Variants in PANX2 observed in about 807,000 individuals in gnomAD.
PANX2 encodes the protein pannexin 2, also known as pannexin-2.
In PANX2, 30 loss-of-function variants were observed where a neutral mutation model predicts 38.7. The observed-to-expected ratio is 0.78, with a 90% CI of 0.58 to 1.05. The LOEUF (loss-of-function observed/expected upper bound fraction) is 1.05, where lower values mean the gene tolerates loss of function less well. Among genes scored for constraint, PANX2 ranks in the 50% least tolerant of loss-of-function variants. PANX2 has a pLI of 0.00. For missense variants in PANX2, 880 were observed against 979.3 expected (o/e 0.90, Z 1.35); for synonymous variants, 539 against 472.1 (o/e 1.14, Z -1.84).
intron 1 of PANX2, among the ~76,000 whole-genome samples, chr22:50,173,264 C>T (rs2063644381): frequency 6.6e-6 from 1 of 152,206 alleles, no homozygotes; most frequent in Non-Finnish European, 1.5e-5. Context: ...ATCTCCTGAT[C>T]TCAGGTGATC....
chr22:50,176,893 C>G, intron 1 of PANX2, 46 bp from the exon 2 acceptor site: 1 of 1,474,092 alleles, frequency 6.8e-7, no homozygotes, highest in Non-Finnish European at 8.9e-7. Flanking sequence ...TTCAGCCCAG[C>G]CCGTGCGCCT....
rs1165494263 is a variant in PANX2, at chr22:50,172,895, A to ATT, written c.226+1957_226+1958dup. On this transcript the variant is annotated intron_variant, in intron 1 of 2. Coordinates refer to ENST00000395842, the MANE Select transcript of PANX2 (RefSeq NM_052839.4). Reference sequence around the variant, plus strand: ...AGGCACCCGCCACCACGCCTGGCTCATTTTTTTTTTTTTTTTTTTGAGACA... The same window carrying ATT: ...AGGCACCCGCCACCACGCCTGGCTCATTTTTTTTTTTTTTTTTTTTTGAGACA... Among the ~76,000 whole-genome samples, 31 of 87,070 alleles carry ATT rather than the reference A, an allele frequency of 3.6e-4. 4 individuals carry two copies. The highest frequency in any genetic ancestry group is 1.3e-3 in the African/African-American group (30 of 23,798). The allele number at this position is 87,070 out of a possible 152,430, so 57.1% of individuals were successfully genotyped here.
chr22:50,179,229 C>G lies in PANX2; in HGVS notation c.1986C>G (p.Ile662Met). ...IAIPAPQQIL[I>M]ATFDEPRTVV... ...TCCCTGCCCCACAGCAGATCCTCAT[C>G]GCCACCTTCGACGAGCCGAGAACGG... is the stretch of plus-strand genomic sequence containing the variant. Residue 662 changes from isoleucine (I) to methionine (M), a missense_variant, in exon 3 of 3, where the codon ATC (isoleucine) becomes ATG (methionine). Around this residue, in one of 4 missense-constraint regions of PANX2, gnomAD observed 445 missense variants for 404.3 expected, o/e 1.10. Transcript: ENST00000395842. 1 of 1,612,720 alleles carries G rather than the reference C, an allele frequency of 6.2e-7. No homozygotes were observed. Among genetic ancestry groups the G allele is most frequent in the South Asian group, 1.1e-5 (1 of 91,088 alleles).
rs1359487381 is a variant in PANX2, at chr22:50,177,243, G to A, written c.531G>A (p.Glu177=). 1 of 1,612,216 alleles carries A rather than the reference G, an allele frequency of 6.2e-7. No homozygotes were observed. Among genetic ancestry groups the A allele is most frequent in the Non-Finnish European group, 8.5e-7 (1 of 1,179,778 alleles). The part of the protein sequence containing the change: ...RAAEGRAPKI[E]KQIQSKGPGI... ...CCGAGGGCCGCGCGCCCAAGATCGA[G>A]AAGCAGATCCAGTCCAAGGGCCCGG... is the stretch of plus-strand genomic sequence containing the variant. Residue 177 remains glutamate (E), a synonymous_variant, in exon 2 of 3, where the codon GAG becomes GAA. Transcript: ENST00000395842.
At chr22:50,178,697 C>T (rs1011083332) in intron 2 of PANX2, among the ~76,000 whole-genome samples, 1 of 152,194 alleles carries the variant, frequency 6.6e-6, no homozygotes, top group Non-Finnish European at 1.5e-5. Context: ...GCTCCGCGTG[C>T]GTGGTGCAGC....
At chr22:50,173,582 C>T (rs968244042) in intron 1 of PANX2, among the ~76,000 whole-genome samples, 1 of 152,234 alleles carries the variant, frequency 6.6e-6, no homozygotes, top group African/African-American at 2.4e-5. Context: ...TCTCGGCCCC[C>T]CTCAGCCTGC....
In PANX2 at chr22:50,172,086, G is replaced by A. The variant is rs566013811; in HGVS notation, c.226+1130G>A. On this transcript the variant is annotated intron_variant, in intron 1 of 2. Coordinates refer to ENST00000395842, the MANE Select transcript of PANX2 (RefSeq NM_052839.4). ...GGGGATTAGAGGACCCCTGGGGTGG[G>A]CACACAGCACACTCTGCAGAGCAGG... Among the ~76,000 whole-genome samples the A allele has an allele frequency of 1.1e-3, 167 of 152,338 alleles. 2 individuals are homozygous for A. Among genetic ancestry groups the A allele is most frequent in the African/African-American group, 3.4e-3 (141 of 41,578 alleles).
chr22:50,178,199 C>T lies in PANX2; in HGVS notation c.1487C>T (p.Ala496Val), dbSNP rs1459961636. ...GGGGDPGPGP[A>V]PAPAPPPAPD... ...GGGGGCGACCCGGGCCCCGGCCCCGCCCCTGCCCCCGCCCCGCCGCCCGCC... is the reference window on the plus strand; with the variant it reads ...GGGGGCGACCCGGGCCCCGGCCCCGTCCCTGCCCCCGCCCCGCCGCCCGCC... Residue 496 changes from alanine (A) to valine (V), a missense_variant, in exon 2 of 3, where the codon GCC becomes GTC. Ala to Val is a moderately conservative substitution (Grantham distance 64). Around this residue, in one of 4 missense-constraint regions of PANX2, gnomAD observed 445 missense variants for 404.3 expected, o/e 1.10. Coordinates refer to ENST00000395842, the MANE Select transcript of PANX2 (RefSeq NM_052839.4). 1.6e-5 allele frequency: 23 copies of T among 1,459,550 alleles called. No individual in the cohort carries two copies. The highest frequency in any genetic ancestry group is 1.8e-5 in the Non-Finnish European group (20 of 1,115,116). 90.4% of individuals were successfully genotyped at this position (1,459,550 alleles called of 1,614,324 possible).
rs1340180442 is a variant in PANX2, at chr22:50,179,981, A to ACGAGTGTGCACGTGTGTG, written c.*707_*724dup. 6.5e-6 allele frequency: 1 copy of ACGAGTGTGCACGTGTGTG among 153,120 alleles called. No homozygotes were observed. Among genetic ancestry groups the ACGAGTGTGCACGTGTGTG allele is most frequent in the Non-Finnish European group, 1.5e-5 (1 of 68,612 alleles). 9.5% of individuals were successfully genotyped at this position (153,120 alleles called of 1,614,324 possible). A position where few individuals can be genotyped will look rare whatever the true frequency, so the allele number is the denominator to read the frequency against. On this transcript the variant is annotated 3_prime_UTR_variant, in exon 3 of 3. Coordinates refer to ENST00000395842, the MANE Select transcript of PANX2 (RefSeq NM_052839.4). Reference sequence around the variant, plus strand: ...AGCGTGAGCGAGCGGGTGTGTATGTACGAGTGTGCACGTGTGTGCGTGTGC... The same window carrying ACGAGTGTGCACGTGTGTG: ...AGCGTGAGCGAGCGGGTGTGTATGTACGAGTGTGCACGTGTGTGCGAGTGTGCACGTGTGTGCGTGTGC...
rs774388371 is a variant in PANX2, at chr22:50,179,031, C to G, written c.1788C>G (p.Ala596=). 24 of 1,610,664 alleles carry G rather than the reference C, an allele frequency of 1.5e-5. No individual in the cohort carries two copies. The highest frequency in any genetic ancestry group is 1.8e-5 in the Non-Finnish European group (21 of 1,179,020). The change falls in exon 3 of 3, where the codon GCC becomes GCG. Residue 596 remains alanine (A), a synonymous_variant. Coordinates refer to ENST00000395842, the MANE Select transcript of PANX2 (RefSeq NM_052839.4). Reference sequence around the variant, plus strand: ...CGTTCCACGTCCGCTCACCTCCCGCCGCCCCTGCTGTGGCCCCTCTGACAC... The same window carrying G: ...CGTTCCACGTCCGCTCACCTCCCGCGGCCCCTGCTGTGGCCCCTCTGACAC... ...GGPFHVRSPP[A]APAVAPLTPA...
Position 50,178,118 on chromosome 22 carries a change from C to A in PANX2, c.1406C>A (p.Thr469Lys). 6.5e-7 allele frequency: 1 copy of A among 1,541,044 alleles called. No homozygotes were observed. Among genetic ancestry groups the A allele is most frequent in the Non-Finnish European group, 8.7e-7 (1 of 1,152,534 alleles). The stretch of plus-strand genomic sequence containing the variant: ...AAGCCCGCGCGCAGGAAGACGGCCA[C>A]GGACACGCTGATCGCGCCGCTGCTG... Reference protein sequence around the residue: ...KPKPARRKTATDTLIAPLLDR... With the variant: ...KPKPARRKTAKDTLIAPLLDR... The change falls in exon 2 of 3, where the codon ACG (threonine) becomes AAG (lysine). Residue 469 changes from threonine to lysine, a missense_variant. Thr to Lys is a moderately conservative substitution (Grantham distance 78). Around this residue, in one of 4 missense-constraint regions of PANX2, gnomAD observed 445 missense variants for 404.3 expected, o/e 1.10. Coordinates refer to ENST00000395842, the MANE Select transcript of PANX2 (RefSeq NM_052839.4).
intron 1 of PANX2, among the ~76,000 whole-genome samples, chr22:50,175,832 G>A (rs2063658244): frequency 6.6e-6 from 1 of 152,246 alleles, no homozygotes; most frequent in African/African-American, 2.4e-5. Flanking sequence ...GGCCCCTGTG[G>A]GGCATCAACA....
In PANX2 at chr22:50,179,079, G is replaced by A; in HGVS notation, c.1836G>A (p.Glu612=). 2 of 1,611,428 alleles carry A rather than the reference G, an allele frequency of 1.2e-6. No individual in the cohort carries two copies. Among genetic ancestry groups the A allele is most frequent in the South Asian group, 2.2e-5 (2 of 90,914 alleles). ...CACCAGCCAGCCTGGGCAAGGCGGA[G>A]CCCCTCACCATCCTGAGCCGAAACG... The part of the protein sequence containing the change: ...PLTPASLGKA[E]PLTILSRNAT... The change falls in exon 3 of 3, where the codon GAG becomes GAA. Residue 612 remains glutamate, a synonymous_variant. Transcript: ENST00000395842.
At chr22:50,176,875 C>T in intron 1 of PANX2, 64 bp from the exon 2 acceptor site, 1 of 1,443,918 alleles carries the variant, frequency 6.9e-7, no homozygotes, top group Non-Finnish European at 9.1e-7. Context: ...CAGGTCCAGC[C>T]CGGTTTCTTC....
At chr22:50,173,916 C>G (rs1296313654) in intron 1 of PANX2, among the ~76,000 whole-genome samples, 5 of 152,168 alleles carry the variant, frequency 3.3e-5, no homozygotes, top group African/African-American at 4.8e-5. Flanking sequence ...ACCAAGACCC[C>G]CAGCCTAGGC....
chr22:50,176,789 T>G, intron 1 of PANX2, 150 bp from the exon 2 acceptor site: 13 of 786,288 alleles, frequency 1.7e-5, no homozygotes, highest in Middle Eastern at 3.3e-4. Flanking sequence ...GGGGGTGGGG[T>G]TCATCTGGGC....
intron 1 of PANX2, chr22:50,175,507 A>T: frequency 4.1e-6 from 5 of 1,234,216 alleles, no homozygotes; most frequent in Non-Finnish European, 4.3e-6. Flanking sequence ...CCATTTTCTC[A>T]ACCAAGAGAG....
intron 1 of PANX2, among the ~76,000 whole-genome samples, chr22:50,171,506 G>C (rs988450762): frequency 6.6e-6 from 1 of 152,210 alleles, no homozygotes; most frequent in South Asian, 2.1e-4. Context: ...TTTGAAGCAG[G>C]GGGGCTAGCA....
In PANX2 at chr22:50,179,434, C is replaced by T; in HGVS notation, c.*157C>T. ...GTCCGCATGCCTGGGGCCTTCGCCC[C>T]CACGTGCTCGACAGGGGAACCCGCC... On this transcript the variant is annotated 3_prime_UTR_variant, in exon 3 of 3. Transcript: ENST00000395842. The T allele has an allele frequency of 2.9e-6, 2 of 689,908 alleles. No homozygotes were observed. Among genetic ancestry groups the T allele is most frequent in the Non-Finnish European group, 4.7e-6 (2 of 421,246 alleles). The allele number at this position is 689,908 out of a possible 1,614,324, so 42.7% of individuals were successfully genotyped here. A position where few individuals can be genotyped will look rare whatever the true frequency, so the allele number is the denominator to read the frequency against.
Sources: allele counts gnomAD v4.1 joint callset (sites outside exome capture counted in the v4.1 genomes callset), GRCh38; gene constraint gnomAD v4.1.1; regional missense constraint gnomAD v4.1.1; transcripts MANE v1.5; gene names NCBI Gene and HGNC (gene_info 2026-07-23, HGNC 2026-07-21).